The following MAGI3 variants were observed in gnomAD, a reference collection of about 807,000 sequenced individuals.
MAGI3 encodes membrane associated guanylate kinase, WW and PDZ domain containing 3.
In MAGI3, 43 loss-of-function variants were observed where a neutral mutation model predicts 121.8. The observed-to-expected ratio is 0.35, with a 90% CI of 0.28 to 0.46. The LOEUF (loss-of-function observed/expected upper bound fraction) is 0.46. MAGI3 is among the 20% of genes least tolerant of loss of function. The pLI is 1.00. For missense variants in MAGI3, 1,547 were observed against 1,797.3 expected, an observed-to-expected ratio of 0.86 and a Z score of 2.52; for synonymous variants, 553 against 639.3, an observed-to-expected ratio of 0.86 and a Z score of 2.04.
chr1:113,457,395 A>G (rs1654811628), intron 1 of MAGI3, among the ~76,000 whole-genome samples: 1 of 152,156 alleles, frequency 6.6e-6, no homozygotes, highest in African/African-American at 2.4e-5. Context: ...CTGAAAGTCA[A>G]TTTGTGTTTG....
intron 9 of MAGI3, among the ~76,000 whole-genome samples, chr1:113,632,852 T>C (rs1198372477): frequency 6.6e-6 from 1 of 152,182 alleles, no homozygotes; most frequent in Non-Finnish European, 1.5e-5. Context: ...AGAATGAATT[T>C]TTAAAGTACA....
At chr1:113,599,461 G>T (rs1649229724) in intron 6 of MAGI3, among the ~76,000 whole-genome samples, 1 of 152,150 alleles carries the variant, frequency 6.6e-6, no homozygotes, top group Non-Finnish European at 1.5e-5. Flanking sequence ...AAATAAACTA[G>T]AAAATCTAGA....
rs1343863306 is a variant in MAGI3 at position 113,683,087 on chromosome 1, T to G, written c.3519T>G (p.Thr1173=). Residue 1173 remains threonine, a synonymous_variant, in exon 21 of 21, where the codon ACT becomes ACG. Coordinates refer to ENST00000307546, the MANE Select transcript of MAGI3 (RefSeq NM_001142782.2). ...ACATTGTGCCTGAAAAGAAAAGCAC[T>G]TTAAATGAAAATCAGCCTGAGATAA... The part of the protein sequence containing the change: ...LKDIVPEKKS[T]LNENQPEIKH... 1 of 1,613,148 alleles carries G rather than the reference T, an allele frequency of 6.2e-7. No homozygotes were observed. Among genetic ancestry groups the G allele is most frequent in the East Asian group, 2.2e-5 (1 of 44,870 alleles).
At chr1:113,428,402 A>T (rs1424182026) in intron 1 of MAGI3, among the ~76,000 whole-genome samples, 3 of 152,132 alleles carry the variant, frequency 2.0e-5, no homozygotes, top group African/African-American at 7.2e-5. Context: ...TCCTTTGCTC[A>T]CCACATTTGC....
intron 1 of MAGI3, among the ~76,000 whole-genome samples, chr1:113,442,585 A>G (rs1653970399): frequency 6.6e-6 from 1 of 151,814 alleles, no homozygotes; most frequent in Admixed American, 6.6e-5. Flanking sequence ...TGTATTTCAT[A>G]TATATATAAC....
chr1:113,673,134 A>G (rs1156950540), intron 18 of MAGI3, among the ~76,000 whole-genome samples, 188 bp from the exon 19 acceptor site: 1 of 152,246 alleles, frequency 6.6e-6, no homozygotes, highest in Non-Finnish European at 1.5e-5. Context: ...TGTAACCTTC[A>G]GATTAATTTA....
intron 16 of MAGI3, among the ~76,000 whole-genome samples, chr1:113,670,272 T>C (rs1016675976): frequency 6.6e-6 from 1 of 152,234 alleles, no homozygotes; most frequent in African/African-American, 2.4e-5. Context: ...CCTGTGTTTT[T>C]AGAGTACTCT....
chr1:113,412,575 T>C (rs1652059940), intron 1 of MAGI3, among the ~76,000 whole-genome samples: 1 of 152,224 alleles, frequency 6.6e-6, no homozygotes, highest in Non-Finnish European at 1.5e-5. Context: ...CTAACTGGCA[T>C]GAGATGGTAT....
intron 1 of MAGI3, among the ~76,000 whole-genome samples, chr1:113,449,066 C>T (rs967166628): frequency 7.4e-5 from 11 of 149,170 alleles, no homozygotes; most frequent in African/African-American, 2.5e-4. Context: ...TGTGGTGAGC[C>T]GAGATCACGC....
At chr1:113,456,417 A>G (rs1449894925) in intron 1 of MAGI3, among the ~76,000 whole-genome samples, 6 of 152,172 alleles carry the variant, frequency 3.9e-5, no homozygotes, top group Non-Finnish European at 8.8e-5. Context: ...ACATACCCAT[A>G]TACATATAGA....
intron 6 of MAGI3, among the ~76,000 whole-genome samples, chr1:113,603,632 G>A (rs754360523): frequency 1.3e-5 from 2 of 151,880 alleles, no homozygotes; most frequent in East Asian, 1.9e-4. Context: ...AAATAAATGC[G>A]ACCTAATTAA....
At chr1:113,543,773 T>A (rs1018527388) in intron 1 of MAGI3, among the ~76,000 whole-genome samples, 1 of 150,144 alleles carries the variant, frequency 6.7e-6, no homozygotes, top group East Asian at 2.0e-4. Context: ...GAGGCTGAGG[T>A]GGGAGGATTG....
chr1:113,436,896 C>T (rs1202310774), intron 1 of MAGI3, among the ~76,000 whole-genome samples: 1 of 148,924 alleles, frequency 6.7e-6, no homozygotes, highest in Non-Finnish European at 1.5e-5. Context: ...CTCACTGCAA[C>T]CTCTGCCTCC....
chr1:113,673,068 T>G (rs1464107424), intron 18 of MAGI3, among the ~76,000 whole-genome samples: 2 of 152,206 alleles, frequency 1.3e-5, no homozygotes, highest in Non-Finnish European at 2.9e-5. Context: ...AGGAAGCACT[T>G]TCCAAAATTC....
rs542021282 is a variant in MAGI3, at chr1:113,397,619, T to G, written c.316+6270T>G. 6.6e-5 allele frequency among the ~76,000 whole-genome samples: 10 copies of G among 152,308 alleles called. No individual in the cohort carries two copies. In the East Asian group the frequency reaches 1.9e-3, roughly 29 times the overall value. ...TTGTACAAGGGCACAAAATCCACAT[T>G]ATAGAATAATTGGAAAATAGAGGGA... On this transcript the variant is annotated intron_variant, in intron 1 of 20. Coordinates refer to ENST00000307546, the MANE Select transcript of MAGI3 (RefSeq NM_001142782.2).
intron 6 of MAGI3, among the ~76,000 whole-genome samples, chr1:113,606,465 T>C (rs1649779748): frequency 6.6e-6 from 1 of 152,130 alleles, no homozygotes; most frequent in Non-Finnish European, 1.5e-5. Context: ...TTCTTTTTCC[T>C]GGTCCCTAAT....
chr1:113,601,350 A>C (rs1336492830), intron 6 of MAGI3, among the ~76,000 whole-genome samples: 1 of 151,390 alleles, frequency 6.6e-6, no homozygotes, highest in African/African-American at 2.4e-5. Flanking sequence ...TCCACAATCT[A>C]CAATGAACTC....
intron 1 of MAGI3, among the ~76,000 whole-genome samples, chr1:113,455,447 T>C (rs368953043): frequency 5.3e-5 from 8 of 152,034 alleles, no homozygotes; most frequent in African/African-American, 1.9e-4. Context: ...AAGATAAAGA[T>C]AGATACTTTC....
At chr1:113,645,172 C>T (rs188085715) in intron 11 of MAGI3, among the ~76,000 whole-genome samples, 7 of 152,066 alleles carry the variant, frequency 4.6e-5, no homozygotes, top group Admixed American at 3.9e-4. Flanking sequence ...TACAGGTGCA[C>T]GCCACCACAC....
Sources: allele counts gnomAD v4.1 joint callset (sites outside exome capture counted in the v4.1 genomes callset), GRCh38; gene constraint gnomAD v4.1.1; transcripts MANE v1.5; gene names NCBI Gene and HGNC (gene_info 2026-07-23, HGNC 2026-07-21).